The following STAC variants were observed in gnomAD, a reference collection of about 807,000 sequenced individuals.
STAC encodes the protein SH3 and cysteine rich domain.
Under a neutral mutation model 48.8 loss-of-function variants are expected in STAC, and 43 were observed. The observed-to-expected ratio is 0.88, with a 90% CI of 0.69 to 1.14. The LOEUF is 1.14. STAC is among the 50% of genes most tolerant of loss of function. The pLI is 0.00. For synonymous variants in STAC, 193 were observed against 179.5 expected, an observed-to-expected ratio of 1.07 and a Z score of -0.60; for missense variants, 497 against 504.0, an observed-to-expected ratio of 0.99 and a Z score of 0.13.
intron 2 of STAC, among the ~76,000 whole-genome samples, chr3:36,444,908 G>A (rs1203306417): frequency 6.6e-6 from 1 of 152,154 alleles, no homozygotes; most frequent in African/African-American, 2.4e-5. Flanking sequence ...GCGATGGAGG[G>A]TCTCATCACG....
intron 1 of STAC, among the ~76,000 whole-genome samples, chr3:36,390,335 C>T (rs1699723336): frequency 6.6e-6 from 1 of 151,796 alleles, no homozygotes. Context: ...CAGTCTTTCT[C>T]ATTTTAAAGA....
chr3:36,528,141 G>A (rs1169087234), intron 8 of STAC, among the ~76,000 whole-genome samples: 2 of 152,116 alleles, frequency 1.3e-5, no homozygotes, highest in East Asian at 1.9e-4. Context: ...TGAAATTTTG[G>A]AGCTTCATGA....
chr3:36,436,637 T>C (rs1700841234), intron 1 of STAC, among the ~76,000 whole-genome samples: 1 of 152,176 alleles, frequency 6.6e-6, no homozygotes, highest in South Asian at 2.1e-4. Flanking sequence ...AGAGAAGCCT[T>C]CCTTGTCACC....
chr3:36,429,919 G>A (rs1700658144), intron 1 of STAC, among the ~76,000 whole-genome samples: 1 of 152,206 alleles, frequency 6.6e-6, no homozygotes, highest in Admixed American at 6.5e-5. Context: ...AGGTGAAAAG[G>A]GTCGGAGTCT....
chr3:36,440,181 C>G (rs374816047), intron 1 of STAC, among the ~76,000 whole-genome samples: 3 of 152,340 alleles, frequency 2.0e-5, no homozygotes, highest in East Asian at 1.9e-4. Flanking sequence ...TGGCTTCACA[C>G]AACCACACCT....
chr3:36,490,221 A>T (rs1282923734), intron 5 of STAC, among the ~76,000 whole-genome samples: 1 of 152,202 alleles, frequency 6.6e-6, no homozygotes, highest in Non-Finnish European at 1.5e-5. Context: ...AGATCCAAGA[A>T]TGCTAATCAT....
chr3:36,475,476 T>C (rs1312873125), intron 2 of STAC, among the ~76,000 whole-genome samples: 3 of 152,218 alleles, frequency 2.0e-5, no homozygotes, highest in African/African-American at 4.8e-5. Context: ...CATGAAACTA[T>C]GGCTAAATTG....
intron 1 of STAC, among the ~76,000 whole-genome samples, chr3:36,399,142 C>T (rs1442423702): frequency 2.0e-5 from 3 of 152,072 alleles, no homozygotes; most frequent in Non-Finnish European, 4.4e-5. Flanking sequence ...GAGGGGAGTA[C>T]AATCTCCCAA....
chr3:36,409,764 TGAACATTCTAC>T (rs1700153666), intron 1 of STAC: 1 of 152,206 alleles, frequency 6.6e-6, no homozygotes, highest in African/African-American at 2.4e-5. Context: ...CCAAACAGAA[TGAACATTCTAC>T]TGGCAGTGTC....
chr3:36,493,529 G>C (rs1382519320), intron 6 of STAC, among the ~76,000 whole-genome samples: 2 of 151,596 alleles, frequency 1.3e-5, no homozygotes. Context: ...TTTAAGAGTC[G>C]CTTCCAGAAC....
chr3:36,459,806 T>A (rs1356128075), intron 2 of STAC, among the ~76,000 whole-genome samples: 1 of 152,116 alleles, frequency 6.6e-6, no homozygotes, highest in Non-Finnish European at 1.5e-5. Flanking sequence ...GGAGAATAAC[T>A]AAGTAAAGGA....
intron 1 of STAC, among the ~76,000 whole-genome samples, chr3:36,396,315 GA>G (rs1699856491): frequency 1.3e-5 from 2 of 152,092 alleles, no homozygotes; most frequent in East Asian, 3.9e-4. Flanking sequence ...TAAAAAATTT[GA>G]GATGAAGTTT....
chr3:36,468,477 C>A (rs1388466331), intron 2 of STAC, among the ~76,000 whole-genome samples: 1 of 151,732 alleles, frequency 6.6e-6, no homozygotes, highest in Non-Finnish European at 1.5e-5. Flanking sequence ...AATGGCCTGT[C>A]TAGTGTTGTC....
intron 2 of STAC, among the ~76,000 whole-genome samples, chr3:36,447,952 T>C (rs1019993617): frequency 6.6e-5 from 10 of 152,152 alleles, no homozygotes; most frequent in African/African-American, 2.4e-4. Flanking sequence ...GGCCATAGTG[T>C]GTTTCCATTT....
At chr3:36,445,517 A>G (rs1170448449) in intron 2 of STAC, among the ~76,000 whole-genome samples, 1 of 152,108 alleles carries the variant, frequency 6.6e-6, no homozygotes, top group African/African-American at 2.4e-5. Flanking sequence ...AGAAGAGGAA[A>G]AGAAATGGAG....
chr3:36,448,307 C>T (rs753581495), intron 2 of STAC, among the ~76,000 whole-genome samples: 1 of 152,036 alleles, frequency 6.6e-6, no homozygotes, highest in Non-Finnish European at 1.5e-5. Flanking sequence ...CTGCAACCTC[C>T]GTCTCCTGGG....
rs759251253 is a variant in STAC at position 36,534,735 on chromosome 3, T to A, written c.1110+5750T>A. Among the ~76,000 whole-genome samples, 28 of 152,154 alleles carry A rather than the reference T, an allele frequency of 1.8e-4. 1 individual carries two copies. In the Middle Eastern group the frequency reaches 0.014, roughly 74 times the overall value. On this transcript the variant is annotated intron_variant, in intron 10 of 10. Coordinates refer to ENST00000273183, the MANE Select transcript of STAC (RefSeq NM_003149.3). Reference sequence around the variant, plus strand: ...CTTGTTGTTCTTCTTCATCTTCTTTTTGTGAGGCAGGGTCTCACTCCCTAG... The same window carrying A: ...CTTGTTGTTCTTCTTCATCTTCTTTATGTGAGGCAGGGTCTCACTCCCTAG...
At chr3:36,504,319 A>C (rs1698346897) in intron 6 of STAC, 74 bp from the exon 7 acceptor site, 1 of 1,354,492 alleles carries the variant, frequency 7.4e-7, no homozygotes, top group Admixed American at 1.7e-5. Flanking sequence ...GAATAAATAA[A>C]GCCATCTTTC....
intron 1 of STAC, among the ~76,000 whole-genome samples, chr3:36,442,158 T>C (rs1442670244): frequency 2.6e-5 from 4 of 152,196 alleles, no homozygotes; most frequent in African/African-American, 9.7e-5. Flanking sequence ...CATCATTGCA[T>C]TGCAGTTCTA....
Sources: allele counts gnomAD v4.1 joint callset (sites outside exome capture counted in the v4.1 genomes callset), GRCh38; gene constraint gnomAD v4.1.1; transcripts MANE v1.5; gene names NCBI Gene and HGNC (gene_info 2026-07-23, HGNC 2026-07-21).